PLCG2: variants seen among roughly 807,000 people sequenced by gnomAD.
The protein encoded by PLCG2 is 1-phosphatidylinositol 4,5-bisphosphate phosphodiesterase gamma-2.
Under a neutral mutation model 175.6 loss-of-function variants are expected in PLCG2, and 69 were observed. That is an observed-to-expected ratio of 0.39 (90% CI 0.32 to 0.48). The LOEUF (loss-of-function observed/expected upper bound fraction) is 0.48, where lower values mean the gene tolerates loss of function less well. PLCG2 is among the 20% of genes least tolerant of loss of function. The pLI is 0.91. For synonymous variants in PLCG2, 827 were observed against 624.0 expected, an observed-to-expected ratio of 1.33 and a Z score of -4.85; for missense variants, 1,798 against 1,650.9, an observed-to-expected ratio of 1.09 and a Z score of -1.54.
At chr16:81,799,382 T>A (rs12918182) in intron 2 of PLCG2, among the ~76,000 whole-genome samples, 99,400 of 152,126 alleles carry the variant, frequency 0.65, 32,776 homozygotes, top group East Asian at 0.88. Context: ...TTTGTACTAC[T>A]TTGTGACCAT....
upstream of PLCG2, among the ~76,000 whole-genome samples, chr16:81,775,869 A>T: frequency 6.6e-6 from 1 of 151,956 alleles, no homozygotes; most frequent in East Asian, 1.9e-4. Context: ...GAGTGGTTAC[A>T]AACTCACATC....
intron 5 of PLCG2, among the ~76,000 whole-genome samples, chr16:81,868,928 C>A (rs1221167150): frequency 6.6e-6 from 1 of 152,230 alleles, no homozygotes; most frequent in African/African-American, 2.4e-5. Flanking sequence ...TGACCTATGT[C>A]CCTGGACATA....
At chr16:81,837,432 A>G (rs1200423261) in intron 2 of PLCG2, among the ~76,000 whole-genome samples, 1 of 152,234 alleles carries the variant, frequency 6.6e-6, no homozygotes, top group Non-Finnish European at 1.5e-5. Context: ...CTGCATGAAC[A>G]TCTATTTCTA....
intron 23 of PLCG2, among the ~76,000 whole-genome samples, chr16:81,927,649 C>T (rs1191557887): frequency 6.6e-6 from 1 of 152,108 alleles, no homozygotes; most frequent in African/African-American, 2.4e-5. Flanking sequence ...CCACTTTCAG[C>T]GTGCTAGCAC....
intron 29 of PLCG2, among the ~76,000 whole-genome samples, 173 bp downstream of exon 29, chr16:81,939,088 T>A (rs1039193638): frequency 6.6e-6 from 1 of 152,152 alleles, no homozygotes; most frequent in Non-Finnish European, 1.5e-5. Flanking sequence ...AGGGCCACTT[T>A]CTGAAATCCT....
chr16:81,896,653 A>C (rs1908904971), intron 13 of PLCG2, among the ~76,000 whole-genome samples: 1 of 152,162 alleles, frequency 6.6e-6, no homozygotes, highest in Admixed American at 6.6e-5. Context: ...TTCTGTCCTA[A>C]TTCCCTCTTT....
intron 31 of PLCG2, among the ~76,000 whole-genome samples, chr16:81,947,426 A>G (rs1262923521): frequency 3.3e-5 from 5 of 152,200 alleles, no homozygotes; most frequent in Admixed American, 3.3e-4. Context: ...ATTTCTGTCC[A>G]CACTGGGATG....
intron 2 of PLCG2, among the ~76,000 whole-genome samples, chr16:81,793,442 C>T (rs949120625): frequency 6.6e-6 from 1 of 152,164 alleles, no homozygotes; most frequent in Non-Finnish European, 1.5e-5. Context: ...GTGGTGCCAC[C>T]TGTTTGTGGG....
At chr16:81,764,581 T>C (rs1420567360) in intron 2 of PLCG2, among the ~76,000 whole-genome samples, 3 of 152,220 alleles carry the variant, frequency 2.0e-5, no homozygotes, top group Non-Finnish European at 4.4e-5. Context: ...GCAGTTGTCT[T>C]TCAGCCACAG....
At position 81,908,559 on chromosome 16, in the gene PLCG2, G is replaced by T; in HGVS notation, c.1701G>T (p.Glu567Asp). ...KDGTFLVRES[E>D]TFPNDYTLSF... is the part of the protein sequence containing the mutation. ...GCACCTTCCTGGTTCGGGAGAGCGA[G>T]ACCTTCCCCAATGACTACACCCTGT... Residue 567 changes from glutamate (E) to aspartate (D), a missense_variant, in exon 17 of 33, where the codon GAG becomes GAT. Transcript: ENST00000564138. The T allele has an allele frequency of 6.2e-7, 1 of 1,612,620 alleles. No individual in the cohort carries two copies. The highest frequency in any genetic ancestry group is 8.5e-7 in the Non-Finnish European group (1 of 1,179,850).
chr16:81,836,235 GC>G (rs1445665434), intron 2 of PLCG2, among the ~76,000 whole-genome samples: 2 of 152,166 alleles, frequency 1.3e-5, no homozygotes, highest in East Asian at 3.9e-4. Context: ...GGAAACTGAG[GC>G]CCAGGGAGGT....
At chr16:81,956,672 G>A (rs1226848650) in intron 31 of PLCG2, 23 bp from the exon 32 acceptor site, 4 of 1,606,922 alleles carry the variant, frequency 2.5e-6, no homozygotes, top group East Asian at 2.2e-5. Context: ...CCACATGGTT[G>A]TTCTCTCCCC....
intron 5 of PLCG2, among the ~76,000 whole-genome samples, chr16:81,867,974 C>A (rs1165901692): frequency 1.3e-5 from 2 of 152,206 alleles, no homozygotes; most frequent in Non-Finnish European, 1.5e-5. Context: ...GCTGGGATTA[C>A]AGGCGTGAGC....
chr16:81,747,198 C>A (rs1264969349), intron 1 of PLCG2, among the ~76,000 whole-genome samples: 2 of 152,148 alleles, frequency 1.3e-5, no homozygotes, highest in African/African-American at 4.8e-5. Flanking sequence ...AGGAATTTCT[C>A]CTGCAGACAT....
chr16:81,897,367 TC>T (rs1908939398), intron 13 of PLCG2, among the ~76,000 whole-genome samples: 1 of 152,206 alleles, frequency 6.6e-6, no homozygotes, highest in African/African-American at 2.4e-5. Flanking sequence ...GCACTTACCA[TC>T]CTATGCTTCA....
At chr16:81,957,505 T>C (rs925076161) in intron 32 of PLCG2, among the ~76,000 whole-genome samples, 2 of 152,188 alleles carry the variant, frequency 1.3e-5, no homozygotes, top group African/African-American at 4.8e-5. Context: ...TTTCCAAGAA[T>C]GGGCTAGTCC....
At chr16:81,741,387 C>T (rs921841154) in intron 1 of PLCG2, among the ~76,000 whole-genome samples, 2 of 152,180 alleles carry the variant, frequency 1.3e-5, no homozygotes, top group African/African-American at 4.8e-5. Flanking sequence ...AAAGCATCCA[C>T]TATATCATAT....
At chr16:81,912,264 T>C (rs1276564048) in intron 18 of PLCG2, among the ~76,000 whole-genome samples, 1 of 151,346 alleles carries the variant, frequency 6.6e-6, no homozygotes, top group Non-Finnish European at 1.5e-5. Flanking sequence ...GGGGGTCTCA[T>C]TGTGTTGGCC....
At chr16:81,873,958 A>G (rs964895792) in intron 7 of PLCG2, among the ~76,000 whole-genome samples, 5 of 152,146 alleles carry the variant, frequency 3.3e-5, no homozygotes, top group African/African-American at 1.2e-4. Flanking sequence ...AGAAACATAA[A>G]TTGGAATCAG....
Sources: allele counts gnomAD v4.1 joint callset (sites outside exome capture counted in the v4.1 genomes callset), GRCh38; gene constraint gnomAD v4.1.1; transcripts MANE v1.5; gene names NCBI Gene and HGNC (gene_info 2026-07-23, HGNC 2026-07-21).